CC2D2A: variants seen among roughly 807,000 people sequenced by gnomAD.
CC2D2A encodes coiled-coil and C2 domain containing 2A.
In CC2D2A, 155 loss-of-function variants were observed where a neutral mutation model predicts 212.9. The observed-to-expected ratio is 0.73, with a 90% confidence interval of 0.64 to 0.83. The LOEUF (loss-of-function observed/expected upper bound fraction) is 0.83, where lower values mean the gene tolerates loss of function less well. Ranked by LOEUF, CC2D2A falls within the 40% of genes least tolerant of loss-of-function variation. The pLI, the probability that CC2D2A is intolerant of heterozygous loss-of-function variation, is 0.00. For synonymous variants in CC2D2A, 667 were observed against 686.5 expected, an observed-to-expected ratio of 0.97 and a Z score of 0.44; for missense variants, 1,856 against 1,956.2, an observed-to-expected ratio of 0.95 and a Z score of 0.97.
intron 30 of CC2D2A, among the ~76,000 whole-genome samples, chr4:15,585,577 G>A (rs1276384481): frequency 1.3e-5 from 2 of 152,182 alleles, no homozygotes; most frequent in African/African-American, 4.8e-5. Context: ...TACACAGTAT[G>A]ATGAATACAG....
intron 6 of CC2D2A, among the ~76,000 whole-genome samples, chr4:15,509,265 G>A (rs1321426611): frequency 2.7e-5 from 4 of 145,592 alleles, no homozygotes; most frequent in Non-Finnish European, 4.5e-5. Flanking sequence ...TAATTTATAG[G>A]ATGAGATAAC....
intron 30 of CC2D2A, among the ~76,000 whole-genome samples, chr4:15,585,176 G>A (rs577625516): frequency 5.3e-5 from 8 of 152,242 alleles, no homozygotes; most frequent in East Asian, 3.9e-4. Context: ...TCAGTATATC[G>A]AAGAAGTATC....
rs138959750 is a variant in CC2D2A, at chr4:15,484,383, T to C, written c.247+3556T>C. ...AATTGTACCCAGCCTAGTGGGCCCT[T>C]TGACTTTTAATCCGAATGAGATGAG... is the stretch of plus-strand genomic sequence containing the variant. On this transcript the variant is annotated intron_variant, in intron 4 of 36. Transcript: ENST00000424120. Among the ~76,000 whole-genome samples, 106 of 152,266 alleles carry C rather than the reference T, an allele frequency of 7.0e-4. No homozygotes were observed. In the East Asian group the frequency reaches 0.016, roughly 23 times the overall value.
chr4:15,574,475 G>A lies in CC2D2A; in HGVS notation c.3771+149G>A, dbSNP rs963190865. The A allele has an allele frequency of 2.8e-5, 17 of 617,790 alleles. No homozygotes were observed. In the African/African-American group the frequency reaches 3.0e-4, roughly 11 times the overall value. The allele number at this position is 617,790 out of a possible 1,614,324, so 38.3% of individuals were successfully genotyped here. On this transcript the variant is annotated intron_variant, in intron 29 of 36. Coordinates refer to ENST00000424120, the MANE Select transcript of CC2D2A (RefSeq NM_001378615.1). The stretch of plus-strand genomic sequence containing the variant: ...ATTATTCTTTCAGTTTAGATAGAAT[G>A]GTGGTGAGAAAACAGATGTGTGGGT...
intron 4 of CC2D2A, among the ~76,000 whole-genome samples, chr4:15,490,292 T>C (rs1482812886): frequency 6.6e-6 from 1 of 152,220 alleles, no homozygotes; most frequent in Non-Finnish European, 1.5e-5. Context: ...TTGTGCCTAT[T>C]TGCCTCCACT....
chr4:15,471,801 T>C (rs988256529), intron 1 of CC2D2A, among the ~76,000 whole-genome samples: 1 of 152,186 alleles, frequency 6.6e-6, no homozygotes, highest in Non-Finnish European at 1.5e-5. Context: ...GCATATATAT[T>C]GTATGATTTT....
chr4:15,539,693 C>G (rs1430051648), intron 16 of CC2D2A, among the ~76,000 whole-genome samples: 1 of 152,194 alleles, frequency 6.6e-6, no homozygotes, highest in Non-Finnish European at 1.5e-5. Context: ...GTACCATACC[C>G]TATAATTTTA....
chr4:15,546,705 T>C (rs1718729194), intron 17 of CC2D2A, among the ~76,000 whole-genome samples: 1 of 152,246 alleles, frequency 6.6e-6, no homozygotes, highest in African/African-American at 2.4e-5. Context: ...TGCTTTAAAC[T>C]GGATGACAGC....
chr4:15,537,781 C>T (rs1718210826), intron 15 of CC2D2A, 118 bp from the exon 16 acceptor site: 1 of 1,070,148 alleles, frequency 9.3e-7, no homozygotes, highest in Non-Finnish European at 1.3e-6. Flanking sequence ...CCTGATTACA[C>T]ACTTCTGGTT....
At chr4:15,473,544 T>A (rs1266667453) in intron 1 of CC2D2A, among the ~76,000 whole-genome samples, 1 of 152,180 alleles carries the variant, frequency 6.6e-6, no homozygotes, top group African/African-American at 2.4e-5. Flanking sequence ...GAAAAAACTT[T>A]GGGTTTTACT....
At chr4:15,600,259 G>C (rs908209583) in intron 36 of CC2D2A, among the ~76,000 whole-genome samples, 1 of 152,176 alleles carries the variant, frequency 6.6e-6, no homozygotes, top group Non-Finnish European at 1.5e-5. Flanking sequence ...TTATAAGGCA[G>C]GTTCTCAGCC....
chr4:15,535,387 A>G (rs1718072060), intron 14 of CC2D2A, among the ~76,000 whole-genome samples: 1 of 151,948 alleles, frequency 6.6e-6, no homozygotes, highest in South Asian at 2.1e-4. Context: ...TATAGGGTAA[A>G]CTAAATTTAT....
chr4:15,499,528 A>G (rs1715802821), intron 4 of CC2D2A, among the ~76,000 whole-genome samples: 1 of 152,244 alleles, frequency 6.6e-6, no homozygotes, highest in African/African-American at 2.4e-5. Flanking sequence ...TTTAAAACTA[A>G]TAATAAACCT....
intron 33 of CC2D2A, among the ~76,000 whole-genome samples, chr4:15,593,330 G>A (rs1400020903): frequency 2.0e-5 from 3 of 152,042 alleles, no homozygotes; most frequent in Admixed American, 2.0e-4. Flanking sequence ...CCAAGTCAAG[G>A]CCTCCTACCT....
intron 6 of CC2D2A, 106 bp from the exon 7 acceptor site, chr4:15,510,033 C>A: frequency 1.3e-6 from 1 of 787,542 alleles, no homozygotes; most frequent in South Asian, 1.6e-5. Context: ...GATGCAGCAG[C>A]AGTCAGAAGA....
intron 1 of CC2D2A, among the ~76,000 whole-genome samples, chr4:15,470,689 C>CTCTCTCTCTCTA (rs1713728306): frequency 2.0e-5 from 1 of 50,670 alleles, no homozygotes; most frequent in African/African-American, 9.2e-5. Context: ...CTCTCTCTCT[C>CTCTCTCTCTCTA]TATATATATA....
chr4:15,575,917 A>T (rs1720385280), intron 29 of CC2D2A, among the ~76,000 whole-genome samples: 1 of 152,226 alleles, frequency 6.6e-6, no homozygotes, highest in Admixed American at 6.5e-5. Flanking sequence ...AAACACGTGA[A>T]AGCAGTCTAT....
At chr4:15,523,998 A>G (rs1717354223) in intron 11 of CC2D2A, among the ~76,000 whole-genome samples, 1 of 152,236 alleles carries the variant, frequency 6.6e-6, no homozygotes, top group Non-Finnish European at 1.5e-5. Context: ...AAATCTTCCC[A>G]GGGAAGACCA....
intron 17 of CC2D2A, among the ~76,000 whole-genome samples, chr4:15,542,021 A>G (rs1204869651): frequency 6.6e-6 from 1 of 151,886 alleles, no homozygotes; most frequent in African/African-American, 2.4e-5. Context: ...GTGTTAGCGT[A>G]ACTCTAATCT....
Sources: gnomAD v4.1 joint callset for allele counts (sites outside exome capture counted in the v4.1 genomes callset) on GRCh38, gnomAD v4.1.1 for gene constraint, MANE v1.5 for transcripts, NCBI Gene and HGNC (gene_info 2026-07-23, HGNC 2026-07-21) for gene names.